Variants in EMILIN1 observed in about 807,000 individuals in gnomAD.
The protein encoded by EMILIN1 is EMILIN-1.
EMILIN1 carries 49 observed loss-of-function variants against 82.4 expected under a neutral mutation model. That is an observed-to-expected ratio of 0.59 (90% CI 0.47 to 0.75). EMILIN1 has a LOEUF of 0.75. Ranked by LOEUF, EMILIN1 falls within the 30% of genes least tolerant of loss-of-function variation. The pLI is 0.00. For synonymous variants in EMILIN1, 604 were observed against 602.2 expected, an observed-to-expected ratio of 1.00 and a Z score of -0.04; for missense variants, 1,313 against 1,366.4, an observed-to-expected ratio of 0.96 and a Z score of 0.62.
intron 3 of EMILIN1, among the ~76,000 whole-genome samples, 156 bp downstream of exon 3, chr2:27,081,108 C>CGTGTGTGTGTGTGTGTGTGT: frequency 7.0e-6 from 1 of 142,656 alleles, no homozygotes; most frequent in South Asian, 2.4e-4. Context: ...ATTCCCTGCC[C>CGTGTGTGTGTGTGTGTGTGT]GTGTGTGTGT....
Position 27,085,725 on chromosome 2 carries a change from C to G in EMILIN1, c.2761C>G (p.Leu921Val), listed in dbSNP as rs1433622777. 1.2e-6 allele frequency: 2 copies of G among 1,608,488 alleles called. No individual in the cohort carries two copies. The highest frequency in any genetic ancestry group is 2.2e-5 in the South Asian group (2 of 90,996). Residue 921 changes from leucine (L) to valine (V), a missense_variant, in exon 8 of 8, where the codon CTG (leucine) becomes GTG (valine). Leu to Val is a conservative substitution (Grantham distance 32). Coordinates refer to ENST00000380320, the MANE Select transcript of EMILIN1 (RefSeq NM_007046.4). ...TGGACGCTACTTGCTGAGCGCGGTGCTGACTGGGCACCGGCACGAGAAAGT... is the reference window on the plus strand; with the variant it reads ...TGGACGCTACTTGCTGAGCGCGGTGGTGACTGGGCACCGGCACGAGAAAGT... ...LAGRYLLSAVLTGHRHEKVEA... is the reference protein window; with the variant it reads ...LAGRYLLSAVVTGHRHEKVEA...
chr2:27,085,263 G>A lies in EMILIN1; in HGVS notation c.2679G>A (p.Leu893=). The A allele has an allele frequency of 6.2e-7, 1 of 1,614,116 alleles. No homozygotes were observed. The highest frequency in any genetic ancestry group is 8.5e-7 in the Non-Finnish European group (1 of 1,180,046). ...GCACGGTCCCCTTCGACAGAGTCCT[G>A]CTCAATGATGGAGGCTATTATGATC... is the stretch of plus-strand genomic sequence containing the variant. ...EPGTVPFDRV[L]LNDGGYYDPE... The change falls in exon 7 of 8, where the codon CTG becomes CTA. Residue 893 remains leucine (L), a synonymous_variant. Transcript: ENST00000380320.
chr2:27,085,028 T>C lies in EMILIN1; in HGVS notation c.2575+20T>C. 1 of 1,613,816 alleles carries C rather than the reference T, an allele frequency of 6.2e-7. No individual in the cohort carries two copies. The highest frequency in any genetic ancestry group is 8.5e-7 in the Non-Finnish European group (1 of 1,179,700). ...AACAGGGTGAGTGCCTTTCATTTGA[T>C]TCTGGAGGGAGAAGTGACTAGGGGT... is the stretch of plus-strand genomic sequence containing the variant. On this transcript the variant is annotated intron_variant, in intron 6 of 7. Transcript: ENST00000380320.
At position 27,081,511 on chromosome 2, in the gene EMILIN1, T is replaced by C. The variant is rs188834562; in HGVS notation, c.511+559T>C. On this transcript the variant is annotated intron_variant, in intron 3 of 7. Coordinates refer to ENST00000380320, the MANE Select transcript of EMILIN1 (RefSeq NM_007046.4). Reference sequence around the variant, plus strand: ...TTACTATAATTATGCAAACAGGAACTCCTGGCCAACTCTCACCGTCCACAG... The same window carrying C: ...TTACTATAATTATGCAAACAGGAACCCCTGGCCAACTCTCACCGTCCACAG... Among the ~76,000 whole-genome samples the C allele has an allele frequency of 8.5e-5, 13 of 152,300 alleles. No individual in the cohort carries two copies. In the East Asian group the frequency reaches 2.5e-3, roughly 29 times the overall value.
rs1427231311 is a variant in EMILIN1, at chr2:27,080,822, T to C, written c.381T>C (p.Asp127=). 4.3e-6 allele frequency: 7 copies of C among 1,613,358 alleles called. No homozygotes were observed. Among genetic ancestry groups the C allele is most frequent in the Non-Finnish European group, 5.9e-6 (7 of 1,179,920 alleles). ...GGTGCTGTCAGGGTTATGGGGGCGA[T>C]GACTGTGCTGAGAGTCCCGCTCCAG... The part of the protein sequence containing the change: ...EWRCCQGYGG[D]DCAESPAPAL... Residue 127 remains aspartate (D), a synonymous_variant, in exon 3 of 8, where the codon GAT becomes GAC. Coordinates refer to ENST00000380320, the MANE Select transcript of EMILIN1 (RefSeq NM_007046.4).
At chr2:27,085,584 G>T in intron 7 of EMILIN1, 94 bp from the exon 8 acceptor site, 1 of 1,231,824 alleles carries the variant, frequency 8.1e-7, no homozygotes. Flanking sequence ...TTCCAGTGAG[G>T]TGAAAAGACC....
chr2:27,083,913 G>C lies in EMILIN1; in HGVS notation c.2342G>C (p.Gly781Ala), dbSNP rs760380562. 7.5e-6 allele frequency: 12 copies of C among 1,606,510 alleles called. No homozygotes were observed. The highest frequency in any genetic ancestry group is 2.7e-5 in the African/African-American group (2 of 74,768). Reference sequence around the variant, plus strand: ...GCAGCCCTGCTGGAGAAGCTGGTCGGGGGACAGGCGGGCCTGGGCAGGCGG... The same window carrying C: ...GCAGCCCTGCTGGAGAAGCTGGTCGCGGGACAGGCGGGCCTGGGCAGGCGG... ...MQAALLEKLV[G>A]GQAGLGRRLG... Residue 781 changes from glycine (G) to alanine (A), a missense_variant, in exon 4 of 8, where the codon GGG (glycine) becomes GCG (alanine). Transcript: ENST00000380320.
Position 27,083,753 on chromosome 2 carries a change from G to A in EMILIN1, c.2182G>A (p.Gly728Ser). The A allele has an allele frequency of 1.9e-6, 3 of 1,613,354 alleles. No homozygotes were observed. The highest frequency in any genetic ancestry group is 2.5e-6 in the Non-Finnish European group (3 of 1,179,404). ...GQCPSLEGRL[G>S]RLEGVCERLD... ...GTGCCCCAGCTTAGAGGGGCGATTG[G>A]GCCGTCTTGAGGGTGTCTGTGAACG... The change falls in exon 4 of 8, where the codon GGC (glycine) becomes AGC (serine). Residue 728 changes from glycine (G) to serine (S), a missense_variant. Physicochemically the swap from Gly to Ser is moderately conservative, Grantham distance 56. Coordinates refer to ENST00000380320, the MANE Select transcript of EMILIN1 (RefSeq NM_007046.4).
At position 27,085,199 on chromosome 2, in the gene EMILIN1, C is replaced by T; in HGVS notation, c.2615C>T (p.Ala872Val). ...CCAGCAGCCCCTGTGCCCCAAGTGG[C>T]ATTTTCAGCTGCTCTGAGTTTGCCC... Reference protein sequence around the residue: ...GAPAAPVPQVAFSAALSLPRS... With the variant: ...GAPAAPVPQVVFSAALSLPRS... The change falls in exon 7 of 8, where the codon GCA becomes GTA. Residue 872 changes from alanine to valine, a missense_variant. By Grantham distance (64) the Ala-to-Val change is moderately conservative. Transcript: ENST00000380320. The T allele has an allele frequency of 6.2e-7, 1 of 1,614,186 alleles. No homozygotes were observed.
Position 27,082,508 on chromosome 2 carries a change from C to G in EMILIN1, c.937C>G (p.Arg313Gly), listed in dbSNP as rs900975618. 6.5e-7 allele frequency: 1 copy of G among 1,546,660 alleles called. No homozygotes were observed. The highest frequency in any genetic ancestry group is 2.0e-5 in the Admixed American group (1 of 51,000). The change falls in exon 4 of 8, where the codon CGC becomes GGC. Residue 313 changes from arginine (R) to glycine (G), a missense_variant. Transcript: ENST00000380320. ...SVCLAGLDGF[R>G]RQQQEDRERL... ...GTGCCTGGCCGGGCTAGATGGCTTC[C>G]GCCGGCAGCAGCAGGAGGACAGGGA...
At position 27,085,757 on chromosome 2, in the gene EMILIN1, C is replaced by G. The variant is rs777630471; in HGVS notation, c.2793C>G (p.Ala931=). The G allele has an allele frequency of 3.1e-6, 5 of 1,611,808 alleles. No individual in the cohort carries two copies. The South Asian group carries it at 5.5e-5, about 18-fold the overall frequency. Residue 931 remains alanine (A), a synonymous_variant, in exon 8 of 8, where the codon GCC becomes GCG. Coordinates refer to ENST00000380320, the MANE Select transcript of EMILIN1 (RefSeq NM_007046.4). The part of the protein sequence containing the change: ...LTGHRHEKVE[A]VLSRSNQGVA... The stretch of plus-strand genomic sequence containing the variant: ...GGCACCGGCACGAGAAAGTGGAGGC[C>G]GTGCTGTCCCGCTCCAACCAGGGCG...
Position 27,083,233 on chromosome 2 carries a change from A to C in EMILIN1, c.1662A>C (p.Ala554=), listed in dbSNP as rs1669516841. ...TGGATGCCCAGGATGAGACAGCTGC[A>C]GAGTTCACACTACGGCTGAATCTCA... ...DRVDAQDETA[A]EFTLRLNLTA... Residue 554 remains alanine, a synonymous_variant, in exon 4 of 8, where the codon GCA becomes GCC. Coordinates refer to ENST00000380320, the MANE Select transcript of EMILIN1 (RefSeq NM_007046.4). The C allele has an allele frequency of 6.2e-7, 1 of 1,611,992 alleles. No homozygotes were observed. The highest frequency in any genetic ancestry group is 2.2e-5 in the East Asian group (1 of 44,830).
chr2:27,085,398 C>A, intron 7 of EMILIN1, 101 bp downstream of exon 7: 1 of 1,455,546 alleles, frequency 6.9e-7, no homozygotes, highest in Non-Finnish European at 9.6e-7. Flanking sequence ...AATCTTCATT[C>A]TCTGATTTGG....
rs1278605317 is a variant in EMILIN1, at chr2:27,086,063, G to A, written c.*48G>A. 5 of 1,351,890 alleles carry A rather than the reference G, an allele frequency of 3.7e-6. No individual in the cohort carries two copies. The highest frequency in any genetic ancestry group is 5.6e-4 in the Middle Eastern group (2 of 3,576). The allele number at this position is 1,351,890 out of a possible 1,614,324, so 83.7% of individuals were successfully genotyped here. A position where few individuals can be genotyped will look rare whatever the true frequency, so the allele number is the denominator to read the frequency against. On this transcript the variant is annotated 3_prime_UTR_variant, in exon 8 of 8. Coordinates refer to ENST00000380320, the MANE Select transcript of EMILIN1 (RefSeq NM_007046.4). The stretch of plus-strand genomic sequence containing the variant: ...CTACGTCGGCTGAAGAGACAGCGGG[G>A]GCGGCGGGCTCCTGGGGTCTCGCCT...
intron 3 of EMILIN1, among the ~76,000 whole-genome samples, chr2:27,081,339 C>T (rs888123758): frequency 6.6e-6 from 1 of 152,180 alleles, no homozygotes; most frequent in South Asian, 2.1e-4. Context: ...ACTACAAATC[C>T]TAGCATGCAT....
Position 27,078,888 on chromosome 2 carries a change from A to G in EMILIN1, c.-178A>G. Reference sequence around the variant, plus strand: ...GGAGCTGAGGAGGAAAGAGGAGGGGAGAGGGGTCAGGCCAGGCAGCCAAGG... The same window carrying G: ...GGAGCTGAGGAGGAAAGAGGAGGGGGGAGGGGTCAGGCCAGGCAGCCAAGG... On this transcript the variant is annotated 5_prime_UTR_variant, in exon 1 of 8. Transcript: ENST00000380320. The G allele has an allele frequency of 3.9e-6, 2 of 509,120 alleles. No homozygotes were observed. The highest frequency in any genetic ancestry group is 2.0e-5 in the African/African-American group (1 of 49,104). 31.5% of individuals were successfully genotyped at this position (509,120 alleles called of 1,614,324 possible). A position where few individuals can be genotyped will look rare whatever the true frequency, so the allele number is the denominator to read the frequency against.
rs745910345 is a variant in EMILIN1 at position 27,083,002 on chromosome 2, A to G, written c.1431A>G (p.Ala477=). 15 of 1,567,362 alleles carry G rather than the reference A, an allele frequency of 9.6e-6. No individual in the cohort carries two copies. The highest frequency in any genetic ancestry group is 1.3e-5 in the Non-Finnish European group (15 of 1,156,954). The part of the protein sequence containing the change: ...LEEQVAGAMQ[A]CGQLCSGAPG... Reference sequence around the variant, plus strand: ...AGCAGGTGGCAGGGGCCATGCAGGCATGCGGGCAGCTCTGCTCTGGGGCCC... The same window carrying G: ...AGCAGGTGGCAGGGGCCATGCAGGCGTGCGGGCAGCTCTGCTCTGGGGCCC... Residue 477 remains alanine (A), a synonymous_variant, in exon 4 of 8, where the codon GCA becomes GCG. Coordinates refer to ENST00000380320, the MANE Select transcript of EMILIN1 (RefSeq NM_007046.4).
In EMILIN1 at chr2:27,079,197, C is replaced by G; in HGVS notation, c.132C>G (p.Pro44=). ...GSSGALSPGG[P]QAQIAPRPAS... ...GTGGGGCCCTCAGCCCCGGGGGGCC[C>G]CAGGCCCAGATTGCCCCCCGGCCAG... Residue 44 remains proline (P), a synonymous_variant, in exon 1 of 8, where the codon CCC becomes CCG. Coordinates refer to ENST00000380320, the MANE Select transcript of EMILIN1 (RefSeq NM_007046.4). 6.3e-7 allele frequency: 1 copy of G among 1,580,802 alleles called. No homozygotes were observed. The highest frequency in any genetic ancestry group is 1.1e-5 in the South Asian group (1 of 88,010).
chr2:27,085,665 TC>T lies in EMILIN1; in HGVS notation c.2714-11del. ...GCTTCCCTGGCCCCCCTGACTGCTA[TC>T]CTTGTCCCCAGGCGTGTTCACAGCG... is the stretch of plus-strand genomic sequence containing the variant. On this transcript the variant is annotated splice_polypyrimidine_tract_variant and intron_variant, in intron 7 of 7. Transcript: ENST00000380320. The T allele has an allele frequency of 6.3e-7, 1 of 1,586,688 alleles. No individual in the cohort carries two copies. Among genetic ancestry groups the T allele is most frequent in the East Asian group, 2.3e-5 (1 of 44,192 alleles).
Sources: gnomAD v4.1 joint callset for allele counts (sites outside exome capture counted in the v4.1 genomes callset) on GRCh38, gnomAD v4.1.1 for gene constraint, MANE v1.5 for transcripts, NCBI Gene and HGNC (gene_info 2026-07-23, HGNC 2026-07-21) for gene names.